The following METTL15 variants were observed in gnomAD, a reference collection of about 807,000 sequenced individuals.
METTL15 encodes the protein methyltransferase 15, mitochondrial 12S rRNA N4-cytidine, also known as 12S rRNA N(4)-cytidine methyltransferase METTL15.
In METTL15, 34 loss-of-function variants were observed where a neutral mutation model predicts 38.3. The observed-to-expected ratio is 0.89, with a 90% CI of 0.68 to 1.18. The LOEUF is 1.18. METTL15 is among the 50% of genes most tolerant of loss of function. The probability of loss-of-function intolerance (pLI) is 0.00; values close to 1 mark genes in which losing one functional copy is unlikely to be tolerated. For missense variants in METTL15, 438 were observed against 498.4 expected, an observed-to-expected ratio of 0.88 and a Z score of 1.15; for synonymous variants, 162 against 170.9, an observed-to-expected ratio of 0.95 and a Z score of 0.41.
intron 6 of METTL15, among the ~76,000 whole-genome samples, chr11:28,465,603 T>C (rs1025493372): frequency 6.6e-6 from 1 of 152,172 alleles, no homozygotes; most frequent in Non-Finnish European, 1.5e-5. Flanking sequence ...AGCCACCAGT[T>C]AATGGTTGCC....
At chr11:28,373,083 G>C (rs1046989160) in intron 5 of METTL15, among the ~76,000 whole-genome samples, 5 of 152,176 alleles carry the variant, frequency 3.3e-5, no homozygotes, top group African/African-American at 7.2e-5. Context: ...GTAAACATAC[G>C]TGTGCATGTG....
chr11:28,252,723 C>CAA (rs1854798618), intron 4 of METTL15, among the ~76,000 whole-genome samples: 1 of 152,036 alleles, frequency 6.6e-6, no homozygotes, highest in Non-Finnish European at 1.5e-5. Context: ...ATCACAACTT[C>CAA]AAAAATGCTC....
chr11:28,208,579 A>G (rs1046232326), intron 3 of METTL15, among the ~76,000 whole-genome samples: 2 of 152,034 alleles, frequency 1.3e-5, no homozygotes, highest in African/African-American at 2.4e-5. Flanking sequence ...AAAAAAATGT[A>G]TATTCTATTG....
intron 5 of METTL15, among the ~76,000 whole-genome samples, chr11:28,290,856 C>T (rs1458655932): frequency 6.6e-6 from 1 of 150,942 alleles, no homozygotes; most frequent in Non-Finnish European, 1.5e-5. Flanking sequence ...TTTGTCCTGT[C>T]TTATGCAGTC....
chr11:28,182,880 A>G lies in METTL15; in HGVS notation c.271-28182A>G, dbSNP rs189513034. 1.6e-4 allele frequency among the ~76,000 whole-genome samples: 25 copies of G among 152,200 alleles called. 1 individual carries two copies. The highest frequency in any genetic ancestry group is 5.8e-4 in the African/African-American group (24 of 41,522). The stretch of plus-strand genomic sequence containing the variant: ...CATTTTTACGATATTGATTCTTCCT[A>G]TTCATGAGCATGGAATGTTTTTCTA... On this transcript the variant is annotated intron_variant, in intron 3 of 6. Transcript: ENST00000407364.
At chr11:28,382,300 G>C (rs1564914014) in intron 5 of METTL15, among the ~76,000 whole-genome samples, 4 of 152,172 alleles carry the variant, frequency 2.6e-5, no homozygotes, top group Admixed American at 2.0e-4. Context: ...TCCAAGTCTG[G>C]GGATGATAGT....
intron 4 of METTL15, among the ~76,000 whole-genome samples, chr11:28,361,368 G>A (rs1187839176): frequency 6.6e-6 from 1 of 151,902 alleles, no homozygotes; most frequent in Non-Finnish European, 1.5e-5. Flanking sequence ...GGTGTGAGAT[G>A]GTATCTCATT....
intron 4 of METTL15, among the ~76,000 whole-genome samples, chr11:28,359,651 T>C (rs911065271): frequency 6.6e-6 from 1 of 152,158 alleles, no homozygotes; most frequent in Non-Finnish European, 1.5e-5. Context: ...TGGCGGTTTA[T>C]ATTTGCATTT....
intron 5 of METTL15, among the ~76,000 whole-genome samples, chr11:28,373,931 C>T (rs1850275108): frequency 6.6e-6 from 1 of 152,064 alleles, no homozygotes; most frequent in South Asian, 2.1e-4. Context: ...GAATCCTTTC[C>T]CCATTGCTTG....
intron 3 of METTL15, chr11:28,164,137 TG>T (rs11288342): frequency 7.3e-4 from 111 of 152,238 alleles, no homozygotes; most frequent in African/African-American, 2.4e-3. Context: ...TATATCTCTT[TG>T]GGTACTTTAT....
chr11:28,207,798 G>C (rs1852423494), intron 3 of METTL15, among the ~76,000 whole-genome samples: 1 of 152,122 alleles, frequency 6.6e-6, no homozygotes, highest in Non-Finnish European at 1.5e-5. Context: ...CCTGTTATTG[G>C]TCTTTTCAGA....
intron 6 of METTL15, chr11:28,328,012 C>T: frequency 4.4e-6 from 6 of 1,361,040 alleles, no homozygotes; most frequent in Non-Finnish European, 6.0e-6. Flanking sequence ...GCAAAAATAT[C>T]CTGCAGTTCT....
chr11:28,293,852 CTGTT>C (rs1321628734), intron 5 of METTL15, among the ~76,000 whole-genome samples: 5 of 152,042 alleles, frequency 3.3e-5, no homozygotes, highest in South Asian at 2.1e-4. Context: ...ATTTGGCTCT[CTGTT>C]TGTCTGTTAT....
intron 6 of METTL15, among the ~76,000 whole-genome samples, chr11:28,520,283 G>A (rs1851754427): frequency 6.6e-6 from 1 of 152,000 alleles, no homozygotes; most frequent in Admixed American, 6.6e-5. Flanking sequence ...AGGCTGCAGT[G>A]AGCCGTGATC....
In METTL15 at chr11:28,510,373, C is replaced by T. The variant is rs186685712; in HGVS notation, c.*425-16105C>T. The stretch of plus-strand genomic sequence containing the variant: ...CTTTGATGTAAAAGAGGAAAATAGA[C>T]CTTTATCTAAATTAAAGATTAGATT... On this transcript the variant is annotated intron_variant and NMD_transcript_variant, in intron 6 of 7. Transcript: ENST00000532947. 2.6e-5 allele frequency among the ~76,000 whole-genome samples: 4 copies of T among 152,110 alleles called. No homozygotes were observed. The East Asian group carries it at 7.7e-4, about 29-fold the overall frequency.
chr11:28,119,894 G>A (rs1852139741), intron 3 of METTL15, among the ~76,000 whole-genome samples: 1 of 152,164 alleles, frequency 6.6e-6, no homozygotes, highest in Admixed American at 6.5e-5. Flanking sequence ...ACTCCAAATT[G>A]TTAAAGAGAA....
intron 3 of METTL15, among the ~76,000 whole-genome samples, chr11:28,129,716 A>G (rs1852673637): frequency 6.6e-6 from 1 of 152,066 alleles, no homozygotes. Context: ...AGCCCCTTAT[A>G]ATTAGTTTTT....
At chr11:28,355,995 A>G (rs539287520) in intron 4 of METTL15, among the ~76,000 whole-genome samples, 73 of 152,226 alleles carry the variant, frequency 4.8e-4, no homozygotes, top group African/African-American at 1.6e-3. Context: ...TTTCCACCTC[A>G]GGGCTGTTGC....
intron 4 of METTL15, among the ~76,000 whole-genome samples, chr11:28,272,931 C>A (rs1855702744): frequency 6.6e-6 from 1 of 152,104 alleles, no homozygotes. Context: ...CCATCATTAT[C>A]AAATATTTAT....
Sources: gnomAD v4.1 joint callset for allele counts (sites outside exome capture counted in the v4.1 genomes callset) on GRCh38, gnomAD v4.1.1 for gene constraint, MANE v1.5 for transcripts, NCBI Gene and HGNC (gene_info 2026-07-23, HGNC 2026-07-21) for gene names.